The following PAPPA variants were observed in gnomAD, a reference collection of about 807,000 sequenced individuals.
PAPPA encodes pappalysin-1.
In PAPPA, 60 loss-of-function variants were observed where a neutral mutation model predicts 164.0. That is an observed-to-expected ratio of 0.37 (90% CI 0.30 to 0.45). The LOEUF (loss-of-function observed/expected upper bound fraction) is 0.45. Ranked by LOEUF, PAPPA falls within the 20% of genes least tolerant of loss-of-function variation. PAPPA has a pLI of 1.00. For synonymous variants in PAPPA, 875 were observed against 814.1 expected (o/e 1.07, Z -1.27); for missense variants, 1,782 against 2,087.3 (o/e 0.85, Z 2.85).
intron 14 of PAPPA, 99 bp downstream of exon 14, chr9:116,344,810 T>TTTTA: frequency 5.1e-6 from 5 of 985,198 alleles, no homozygotes; most frequent in Non-Finnish European, 7.6e-6. Context: ...GCACTTAAAA[T>TTTTA]AGTGCTGCCA....
Position 116,353,655 on chromosome 9 carries a change from C to A in PAPPA, c.4209C>A (p.Gly1403=). Residue 1403 remains glycine (G), a synonymous_variant, in exon 17 of 22, where the codon GGC becomes GGA. Coordinates refer to ENST00000328252, the MANE Select transcript of PAPPA (RefSeq NM_002581.5). ...RAFKTQCTQD[G]SWQEGACVPV... ...TCAAGACTCAGTGTACCCAGGATGG[C>A]AGCTGGCAGGAGGGAGCTTGTGTTC... 6.2e-7 allele frequency: 1 copy of A among 1,614,050 alleles called. No individual in the cohort carries two copies. Among genetic ancestry groups the A allele is most frequent in the Non-Finnish European group, 8.5e-7 (1 of 1,179,986 alleles).
rs1452451917 is a variant in PAPPA, at chr9:116,154,819, A to T, written c.415+232A>T. On this transcript the variant is annotated intron_variant, in intron 1 of 21. Transcript: ENST00000328252. This position sits in a 1 kb window ranked among gnomAD's most constrained non-coding sequence, Gnocchi z 5.2. ...CTCCATCCCTGGGAGGAACCTGGGG[A>T]GCCCTCCTGGCGGCCCCGCGGACCC... is the stretch of plus-strand genomic sequence containing the variant. 6.6e-6 allele frequency among the ~76,000 whole-genome samples: 1 copy of T among 151,948 alleles called. No homozygotes were observed. The highest frequency in any genetic ancestry group is 2.4e-5 in the African/African-American group (1 of 41,372).
intron 7 of PAPPA, among the ~76,000 whole-genome samples, chr9:116,245,029 G>C (rs1370972349): frequency 6.6e-6 from 1 of 152,122 alleles, no homozygotes; most frequent in Non-Finnish European, 1.5e-5. Flanking sequence ...TGGCACTGGA[G>C]GCTATTATCT....
At chr9:116,276,786 C>T (rs1206352385) in intron 9 of PAPPA, among the ~76,000 whole-genome samples, 1 of 152,138 alleles carries the variant, frequency 6.6e-6, no homozygotes, top group Non-Finnish European at 1.5e-5. Context: ...CATCCCCAGC[C>T]CTGTCCTAGA....
chr9:116,385,298 A>T (rs4612435), intron 21 of PAPPA, among the ~76,000 whole-genome samples: 1 of 150,898 alleles, frequency 6.6e-6, no homozygotes, highest in African/African-American at 2.4e-5. Flanking sequence ...TTTGGAATCC[A>T]CACCTGAACC....
intron 17 of PAPPA, among the ~76,000 whole-genome samples, chr9:116,361,314 T>A (rs1348875004): frequency 6.6e-6 from 1 of 152,030 alleles, no homozygotes; most frequent in Non-Finnish European, 1.5e-5. Flanking sequence ...TGTTCTTAGA[T>A]CCTTCACAAT....
chr9:116,345,450 A>C (rs866195809), intron 14 of PAPPA, among the ~76,000 whole-genome samples: 2 of 151,982 alleles, frequency 1.3e-5, no homozygotes, highest in Admixed American at 6.6e-5. Context: ...AAAAAAAAAA[A>C]AAACATGCCA....
At chr9:116,236,000 TTC>T (rs1844660796) in intron 7 of PAPPA, among the ~76,000 whole-genome samples, 1 of 152,180 alleles carries the variant, frequency 6.6e-6, no homozygotes, top group Non-Finnish European at 1.5e-5. Context: ...GCTAATGATT[TTC>T]TTTTTATATT....
At chr9:116,378,091 T>TA (rs1846679121) in intron 20 of PAPPA, among the ~76,000 whole-genome samples, 1 of 152,248 alleles carries the variant, frequency 6.6e-6, no homozygotes, top group Non-Finnish European at 1.5e-5. Context: ...CTTGCAGACC[T>TA]ATTCCTTCTG....
intron 14 of PAPPA, among the ~76,000 whole-genome samples, 196 bp from the exon 15 acceptor site, chr9:116,346,830 C>T (rs2118981005): frequency 6.6e-6 from 1 of 152,294 alleles, no homozygotes; most frequent in East Asian, 1.9e-4. Flanking sequence ...GAGTCTCAGT[C>T]TCTGTGTCTT....
chr9:116,275,908 C>T (rs979626122), intron 9 of PAPPA, among the ~76,000 whole-genome samples: 2 of 152,134 alleles, frequency 1.3e-5, no homozygotes. Flanking sequence ...CTGGGGACTT[C>T]CCGTTCTCAA....
At chr9:116,262,993 G>C (rs1405710158) in intron 7 of PAPPA, among the ~76,000 whole-genome samples, 1 of 152,128 alleles carries the variant, frequency 6.6e-6, no homozygotes, top group African/African-American at 2.4e-5. Flanking sequence ...TTTTTCCGTG[G>C]AAAACATAAT....
At chr9:116,276,482 A>G (rs1845199700) in intron 9 of PAPPA, among the ~76,000 whole-genome samples, 1 of 151,006 alleles carries the variant, frequency 6.6e-6, no homozygotes, top group Non-Finnish European at 1.5e-5. Flanking sequence ...TTAGCACCTC[A>G]GAGCCTCAGT....
At chr9:116,241,142 A>G (rs1844730580) in intron 7 of PAPPA, among the ~76,000 whole-genome samples, 1 of 152,178 alleles carries the variant, frequency 6.6e-6, no homozygotes, top group African/African-American at 2.4e-5. Context: ...TGAACTCCAA[A>G]TGCTTTGAAT....
At chr9:116,314,078 T>C (rs1845757124) in intron 10 of PAPPA, among the ~76,000 whole-genome samples, 1 of 135,832 alleles carries the variant, frequency 7.4e-6, no homozygotes, top group Non-Finnish European at 1.6e-5. Context: ...TTTTTTTTTT[T>C]TTTTTTTTTT....
Position 116,169,748 on chromosome 9 carries a change from TA to T in PAPPA, c.415+15162del, listed in dbSNP as rs373245985. On this transcript the variant is annotated intron_variant, in intron 1 of 21. Transcript: ENST00000328252. Reference sequence around the variant, plus strand: ...GATGGCACACTAGATTTTTTTTTTTTATCTAGTGTGCCAGGAAGTTATCAGA... The same window carrying T: ...GATGGCACACTAGATTTTTTTTTTTTTCTAGTGTGCCAGGAAGTTATCAGA... 1.7e-3 allele frequency among the ~76,000 whole-genome samples: 254 copies of T among 150,984 alleles called. 3 individuals are homozygous for T. In the East Asian group the frequency reaches 0.038, roughly 23 times the overall value.
Position 116,274,132 on chromosome 9 carries a change from G to GA in PAPPA, c.2953+2725dup, listed in dbSNP as rs11342215. 9.4e-3 allele frequency among the ~76,000 whole-genome samples: 1,423 copies of GA among 150,642 alleles called. 22 individuals are homozygous for GA. The highest frequency in any genetic ancestry group is 0.033 in the African/African-American group (1,338 of 41,052). On this transcript the variant is annotated intron_variant, in intron 9 of 21. Transcript: ENST00000328252. ...GGTCTTGCAGGCTTTCAGGGTGAAT[G>GA]AAAAAAAAACATTGCAAAACAAGTC... is the stretch of plus-strand genomic sequence containing the variant.
chr9:116,275,560 C>CCT (rs1845186494), intron 9 of PAPPA, among the ~76,000 whole-genome samples: 1 of 152,158 alleles, frequency 6.6e-6, no homozygotes, highest in Non-Finnish European at 1.5e-5. Context: ...TGCCACTCTG[C>CCT]CTCTCCATTT....
chr9:116,289,135 T>TATATATATATATATATATATAGC (rs1845384624), intron 9 of PAPPA, among the ~76,000 whole-genome samples: 8 of 49,704 alleles, frequency 1.6e-4, no homozygotes, highest in African/African-American at 5.8e-4. Context: ...TATATATATA[T>TATATATATATATATATATATAGC]ATATATATAT....
Sources: allele counts gnomAD v4.1 joint callset (sites outside exome capture counted in the v4.1 genomes callset), GRCh38; gene constraint gnomAD v4.1.1; non-coding constraint Gnocchi (gnomAD v3.1); transcripts MANE v1.5; gene names NCBI Gene and HGNC (gene_info 2026-07-23, HGNC 2026-07-21).